Variants in SEC14L1 observed in about 807,000 individuals in gnomAD.
SEC14L1 encodes SEC14-like protein 1.
Under a neutral mutation model 85.3 loss-of-function variants are expected in SEC14L1, and 48 were observed. The observed-to-expected ratio is 0.56, with a 90% CI of 0.45 to 0.72. SEC14L1 has a LOEUF of 0.72. Among genes scored for constraint, SEC14L1 ranks in the 30% least tolerant of loss-of-function variants. The pLI, the probability that SEC14L1 is intolerant of heterozygous loss-of-function variation, is 0.00. For missense variants in SEC14L1, 682 were observed against 921.4 expected (o/e 0.74, Z 3.36); for synonymous variants, 391 against 355.5 (o/e 1.10, Z -1.12).
At chr17:77,103,274 G>A (rs148560097) in intron 3 of SEC14L1, among the ~76,000 whole-genome samples, 156 of 150,624 alleles carry the variant, frequency 1.0e-3, no homozygotes, top group African/African-American at 3.6e-3. Flanking sequence ...GACCATGCCT[G>A]GCTAATTTTT....
chr17:77,185,446 C>T (rs1975224034), intron 3 of SEC14L1: 8 of 941,422 alleles, frequency 8.5e-6, no homozygotes, highest in Non-Finnish European at 1.0e-5. Context: ...GGGAAGGGAA[C>T]GTTTTTAGTG....
At chr17:77,147,465 A>T (rs1212438313) in intron 3 of SEC14L1, among the ~76,000 whole-genome samples, 1 of 152,062 alleles carries the variant, frequency 6.6e-6, no homozygotes, top group Non-Finnish European at 1.5e-5. Flanking sequence ...AGGCATTTGC[A>T]TGGTGTTGTT....
chr17:77,123,443 A>C (rs1972355421), intron 3 of SEC14L1, among the ~76,000 whole-genome samples: 2 of 101,622 alleles, frequency 2.0e-5, no homozygotes, highest in Non-Finnish European at 3.7e-5. Context: ...ACAGAGCATC[A>C]CTGTGTTGCC....
chr17:77,155,242 G>C (rs1478499689), intron 3 of SEC14L1, among the ~76,000 whole-genome samples: 1 of 152,056 alleles, frequency 6.6e-6, no homozygotes, highest in African/African-American at 2.4e-5. Context: ...ACTGTCCCAG[G>C]CAGATTTAAT....
At chr17:77,147,851 A>G (rs1236082556) in intron 3 of SEC14L1, among the ~76,000 whole-genome samples, 3 of 152,152 alleles carry the variant, frequency 2.0e-5, no homozygotes, top group Admixed American at 6.5e-5. Flanking sequence ...TTTACATACA[A>G]TGAAGTGGTC....
chr17:77,089,124 A>G, intron 1 of SEC14L1: 1 of 305,948 alleles, frequency 3.3e-6, no homozygotes, highest in Non-Finnish European at 6.2e-6. Flanking sequence ...TGTCCTTTTA[A>G]AGCACATTAT....
intron 5 of SEC14L1, among the ~76,000 whole-genome samples, chr17:77,191,775 T>G (rs1410602943): frequency 1.3e-5 from 2 of 151,184 alleles, no homozygotes; most frequent in East Asian, 3.9e-4. Flanking sequence ...ACTCCTGACC[T>G]CACGTGATCC....
rs1245824996 is a variant in SEC14L1, at chr17:77,214,673, C to G, written c.*650C>G. ...GGGCTCTCAGGGACTCCTGGTGACT[C>G]CAGGAAAATGCTGCCATCGTTAAAC... is the stretch of plus-strand genomic sequence containing the variant. On this transcript the variant is annotated 3_prime_UTR_variant, in exon 17 of 17. Coordinates refer to ENST00000436233, the MANE Select transcript of SEC14L1 (RefSeq NM_001143998.2). 3.0e-6 allele frequency: 3 copies of G among 985,590 alleles called. No individual in the cohort carries two copies. Among genetic ancestry groups the G allele is most frequent in the African/African-American group, 1.7e-5 (1 of 57,362 alleles). The allele number at this position is 985,590 out of a possible 1,614,324, so 61.1% of individuals were successfully genotyped here.
rs569551819 is a variant in SEC14L1, at chr17:77,147,117, C to T, written c.63+3458C>T. On this transcript the variant is annotated intron_variant, in intron 3 of 16. Transcript: ENST00000436233. ...CAGGAGTGGCCGGCAGTGCCCGGCA[C>T]GCAGTCACGGGAGGTGGGTCGAGTC... is the stretch of plus-strand genomic sequence containing the variant. 1.1e-3 allele frequency among the ~76,000 whole-genome samples: 162 copies of T among 152,294 alleles called. 1 individual carries two copies. Among genetic ancestry groups the T allele is most frequent in the African/African-American group, 3.8e-3 (156 of 41,554 alleles).
At chr17:77,113,943 T>C (rs1972108735) in intron 3 of SEC14L1, among the ~76,000 whole-genome samples, 1 of 152,152 alleles carries the variant, frequency 6.6e-6, no homozygotes, top group South Asian at 2.1e-4. Context: ...TTAGTTTCTA[T>C]TATTCCCACC....
rs557345049 is a variant in SEC14L1 at position 77,132,857 on chromosome 17, T to C, written c.-135-9789T>C. On this transcript the variant is annotated intron_variant, in intron 3 of 19. Coordinates refer to the SEC14L1 transcript ENST00000392476. ...AAACTATACCCCAATCCTCCTTTTT[T>C]TTTTTTCTTTTTTCTTTTTTTTTGA... Among the ~76,000 whole-genome samples the C allele has an allele frequency of 5.9e-5, 9 of 151,952 alleles. No homozygotes were observed. The East Asian group carries it at 1.7e-3, about 29-fold the overall frequency.
chr17:77,189,915 A>G (rs1301158457), intron 3 of SEC14L1, among the ~76,000 whole-genome samples: 1 of 152,216 alleles, frequency 6.6e-6, no homozygotes, highest in East Asian at 1.9e-4. Context: ...AGCGTGAGCC[A>G]CCGCGCCCGG....
chr17:77,095,758 G>A (rs915060040), intron 3 of SEC14L1, among the ~76,000 whole-genome samples: 15 of 151,944 alleles, frequency 9.9e-5, no homozygotes, highest in Admixed American at 2.6e-4. Flanking sequence ...CAGAGGTTTC[G>A]GTGAGCCAAG....
chr17:77,143,730 C>A, intron 3 of SEC14L1, 71 bp downstream of exon 3: 1 of 1,140,862 alleles, frequency 8.8e-7, no homozygotes, highest in Non-Finnish European at 1.3e-6. Context: ...ATTTGATGAT[C>A]TATAGATTTA....
chr17:77,138,695 C>T (rs989016666), upstream of SEC14L1, among the ~76,000 whole-genome samples: 1 of 152,102 alleles, frequency 6.6e-6, no homozygotes, highest in Non-Finnish European at 1.5e-5. Flanking sequence ...CGTGGTGGCA[C>T]ATGCCTGTAG....
At chr17:77,096,994 A>T (rs908339781) in intron 3 of SEC14L1, among the ~76,000 whole-genome samples, 1 of 152,172 alleles carries the variant, frequency 6.6e-6, no homozygotes, top group Non-Finnish European at 1.5e-5. Flanking sequence ...GGAAGCGTTT[A>T]TCATGTCAGG....
intron 14 of SEC14L1, chr17:77,211,641 T>C: frequency 2.6e-6 from 1 of 391,488 alleles, no homozygotes; most frequent in Non-Finnish European, 4.8e-6. Context: ...ATGTACGAGC[T>C]CACAGTGTTT....
rs551693367 is a variant in SEC14L1 at position 77,089,176 on chromosome 17, TC to T, written c.-330del. 621 of 342,584 alleles carry T rather than the reference TC, an allele frequency of 1.8e-3. 9 individuals carry two copies. The highest frequency in any genetic ancestry group is 0.013 in the African/African-American group (571 of 45,634). The allele number at this position is 342,584 out of a possible 1,614,324, so 21.2% of individuals were successfully genotyped here. A position where few individuals can be genotyped will look rare whatever the true frequency, so the allele number is the denominator to read the frequency against. On this transcript the variant is annotated 5_prime_UTR_variant, in exon 2 of 20. Coordinates refer to the SEC14L1 transcript ENST00000392476. ...AGGTTTCAACAGAAAATGAGAAATA[TC>T]CCCCGACGATTGGCTGAAAACATGC... is the stretch of plus-strand genomic sequence containing the variant.
chr17:77,187,276 A>G (rs1027970721), intron 3 of SEC14L1, among the ~76,000 whole-genome samples: 3 of 152,154 alleles, frequency 2.0e-5, no homozygotes, highest in Admixed American at 6.5e-5. Context: ...GTCATCCTGC[A>G]GTACCTTCCT....
Sources: allele counts gnomAD v4.1 joint callset (sites outside exome capture counted in the v4.1 genomes callset), GRCh38; gene constraint gnomAD v4.1.1; transcripts MANE v1.5; gene names NCBI Gene and HGNC (gene_info 2026-07-23, HGNC 2026-07-21).